Variants in TENM4 observed in about 807,000 individuals in gnomAD.
The protein encoded by TENM4 is teneurin-4.
TENM4 carries 82 observed loss-of-function variants against 243.3 expected under a neutral mutation model. The observed-to-expected ratio is 0.34, with a 90% confidence interval of 0.28 to 0.40. TENM4 has a LOEUF of 0.40. Among genes scored for constraint, TENM4 ranks in the 10% least tolerant of loss-of-function variants. The pLI is 1.00. For synonymous variants in TENM4, 1,412 were observed against 1,456.3 expected (o/e 0.97, Z 0.69); for missense variants, 3,138 against 3,673.3 (o/e 0.85, Z 3.77).
intron 6 of TENM4, among the ~76,000 whole-genome samples, chr11:78,964,263 A>G (rs1176396020): frequency 6.6e-6 from 1 of 150,804 alleles, no homozygotes. Context: ...GGATGGTCTC[A>G]ATCTCTTGAC....
chr11:79,170,756 C>T (rs1863022617), intron 3 of TENM4, among the ~76,000 whole-genome samples: 1 of 152,172 alleles, frequency 6.6e-6, no homozygotes, highest in Admixed American at 6.5e-5. Context: ...AGACTTCTAG[C>T]CTCCAGATGG....
chr11:79,103,993 T>G (rs190041452), intron 4 of TENM4, among the ~76,000 whole-genome samples: 5 of 152,328 alleles, frequency 3.3e-5, no homozygotes, highest in Admixed American at 1.3e-4. Context: ...AGGGCGTTTG[T>G]GTTAGCTGTT....
At chr11:79,404,603 T>A (rs1858528848) in intron 1 of TENM4, among the ~76,000 whole-genome samples, 2 of 152,216 alleles carry the variant, frequency 1.3e-5, no homozygotes, top group African/African-American at 4.8e-5. Flanking sequence ...AGTGGTTAAC[T>A]TTATGTTCTG....
At chr11:78,969,774 C>T (rs935349871) in intron 6 of TENM4, among the ~76,000 whole-genome samples, 11 of 152,138 alleles carry the variant, frequency 7.2e-5, no homozygotes, top group Non-Finnish European at 1.3e-4. Context: ...CCTGGATTAT[C>T]GGAAGAGCTT....
At chr11:78,903,992 C>T (rs1565119008) in intron 6 of TENM4, 4 of 368,394 alleles carry the variant, frequency 1.1e-5, no homozygotes, top group African/African-American at 8.5e-5. Context: ...CCAAGTGACT[C>T]TGATGTATGC....
intron 7 of TENM4, among the ~76,000 whole-genome samples, chr11:78,901,370 A>C (rs1485125204): frequency 6.6e-6 from 1 of 152,184 alleles, no homozygotes; most frequent in African/African-American, 2.4e-5. Context: ...GTATAAATAA[A>C]AAGAAAAAGC....
chr11:78,931,116 G>A (rs974121580), intron 6 of TENM4, among the ~76,000 whole-genome samples: 2 of 152,070 alleles, frequency 1.3e-5, no homozygotes, highest in Non-Finnish European at 2.9e-5. Flanking sequence ...AGGTAGACTA[G>A]GGCACTTTTT....
At chr11:78,763,581 C>T (rs956887867) in intron 18 of TENM4, among the ~76,000 whole-genome samples, 9 of 152,196 alleles carry the variant, frequency 5.9e-5, no homozygotes, top group South Asian at 2.1e-4. Flanking sequence ...CACTGAGATC[C>T]CTCTTTGATG....
intron 4 of TENM4, among the ~76,000 whole-genome samples, chr11:79,144,479 C>T (rs1862356949): frequency 6.6e-6 from 1 of 152,036 alleles, no homozygotes; most frequent in Admixed American, 6.6e-5. Context: ...ATCTGCACTT[C>T]CATGTGTATC....
At chr11:78,981,576 T>A (rs181637949) in intron 6 of TENM4, among the ~76,000 whole-genome samples, 11 of 152,258 alleles carry the variant, frequency 7.2e-5, no homozygotes, top group Admixed American at 4.6e-4. Context: ...AGGAGAGGTC[T>A]GGGGGTTCCC....
chr11:78,978,771 G>A (rs1430659888), intron 6 of TENM4, among the ~76,000 whole-genome samples: 1 of 152,178 alleles, frequency 6.6e-6, no homozygotes, highest in East Asian at 1.9e-4. Context: ...ATACTTTGGA[G>A]GTTAAGGGTA....
chr11:78,779,958 G>T (rs540332976), intron 16 of TENM4, among the ~76,000 whole-genome samples: 1 of 152,342 alleles, frequency 6.6e-6, no homozygotes, highest in Non-Finnish European at 1.5e-5. Context: ...TGTGTTCTTA[G>T]TTCAGGTATC....
intron 6 of TENM4, among the ~76,000 whole-genome samples, chr11:78,912,672 G>T (rs948813693): frequency 2.0e-5 from 3 of 152,326 alleles, no homozygotes; most frequent in Middle Eastern, 3.4e-3. Flanking sequence ...GGATAGGACT[G>T]GGGGAGAGTG....
chr11:78,879,518 T>C lies in TENM4; in HGVS notation c.1084+10267A>G, dbSNP rs556728942. ...CTACCTGGCAGCCCCGTCTGGGAACTGAGGAGCGCCTCTGCACGGCCGCCA... is the reference window on the plus strand; with the variant it reads ...CTACCTGGCAGCCCCGTCTGGGAACCGAGGAGCGCCTCTGCACGGCCGCCA... On this transcript the variant is annotated intron_variant, in intron 9 of 33. Coordinates refer to ENST00000278550, the MANE Select transcript of TENM4 (RefSeq NM_001098816.3). 1.3e-4 allele frequency among the ~76,000 whole-genome samples: 16 copies of C among 125,522 alleles called. 1 individual carries two copies. Among genetic ancestry groups the C allele is most frequent in the African/African-American group, 4.8e-4 (15 of 31,304 alleles). The allele number at this position is 125,522 out of a possible 152,430, so 82.3% of individuals were successfully genotyped here. A position where few individuals can be genotyped will look rare whatever the true frequency, so the allele number is the denominator to read the frequency against.
At position 78,658,416 on chromosome 11, in the gene TENM4, T is replaced by C; in HGVS notation, c.7952A>G (p.Gln2651Arg). 6.2e-7 allele frequency: 1 copy of C among 1,614,034 alleles called. No individual in the cohort carries two copies. Among genetic ancestry groups the C allele is most frequent in the Non-Finnish European group, 8.5e-7 (1 of 1,179,884 alleles). ...LENGVNVTVS[Q>R]INTVLNGRTR... ...CCTGCCATTAAGTACTGTGTTGATCTGGGACACAGTGACGTTGACCCCATT... is the reference window on the plus strand; with the variant it reads ...CCTGCCATTAAGTACTGTGTTGATCCGGGACACAGTGACGTTGACCCCATT... The change falls in exon 34 of 34, where the codon CAG (glutamine) becomes CGG (arginine). Residue 2651 changes from glutamine to arginine, a missense_variant. By Grantham distance (43) the Gln-to-Arg change is conservative. Around this residue, in one of 2 missense-constraint regions of TENM4, gnomAD observed 2,467 missense variants for 3,059.1 expected, o/e 0.81. Transcript: ENST00000278550.
At chr11:79,094,671 G>A (rs1861037156) in intron 4 of TENM4, among the ~76,000 whole-genome samples, 2 of 152,270 alleles carry the variant, frequency 1.3e-5, no homozygotes, top group South Asian at 4.1e-4. Flanking sequence ...TAGGTCACAG[G>A]GCAAAATCAT....
intron 3 of TENM4, among the ~76,000 whole-genome samples, chr11:79,179,586 G>T (rs934692433): frequency 6.9e-6 from 1 of 145,684 alleles, no homozygotes; most frequent in Non-Finnish European, 1.6e-5. Context: ...TTTAAGAAAG[G>T]AAGCATTAAA....
intron 4 of TENM4, among the ~76,000 whole-genome samples, chr11:79,113,764 C>A (rs1007740572): frequency 6.6e-6 from 1 of 152,140 alleles, no homozygotes; most frequent in Admixed American, 6.5e-5. Flanking sequence ...CTATTTGCTG[C>A]CCTCAGAGGC....
intron 2 of TENM4, among the ~76,000 whole-genome samples, chr11:79,230,972 GACTC>G (rs1177649878): frequency 6.6e-6 from 1 of 152,188 alleles, no homozygotes; most frequent in Non-Finnish European, 1.5e-5. Flanking sequence ...CAGCCCACCG[GACTC>G]ACTGGGGTTG....
Sources: allele counts gnomAD v4.1 joint callset (sites outside exome capture counted in the v4.1 genomes callset), GRCh38; gene constraint gnomAD v4.1.1; regional missense constraint gnomAD v4.1.1; transcripts MANE v1.5; gene names NCBI Gene and HGNC (gene_info 2026-07-23, HGNC 2026-07-21).